LARGE1: variants seen among roughly 807,000 people sequenced by gnomAD.
The protein encoded by LARGE1 is LARGE xylosyl- and glucuronyltransferase 1.
A neutral mutation model predicts 87.6 loss-of-function variants in LARGE1; 43 were observed. The observed-to-expected ratio is 0.49, with a 90% CI of 0.38 to 0.63. The LOEUF is 0.63. Among genes scored for constraint, LARGE1 ranks in the 30% least tolerant of loss-of-function variants. LARGE1 has a pLI of 0.00. For missense variants in LARGE1, 802 were observed against 1,000.2 expected (o/e 0.80, Z 2.67); for synonymous variants, 434 against 394.6 (o/e 1.10, Z -1.18).
the LARGE1 span, among the ~76,000 whole-genome samples, chr22:33,102,090 C>T: frequency 6.6e-6 from 1 of 152,096 alleles, no homozygotes; most frequent in Admixed American, 6.6e-5. Context: ...ATGCCCATCC[C>T]CTTGCCCATA....
downstream of LARGE1, among the ~76,000 whole-genome samples, chr22:33,268,114 C>T (rs1294294990): frequency 2.0e-5 from 3 of 151,246 alleles, no homozygotes; most frequent in South Asian, 2.1e-4. Context: ...CCACTGTGCC[C>T]GGCTATTTTT....
intron 11 of LARGE1, among the ~76,000 whole-genome samples, chr22:33,223,334 G>A (rs1925552383): frequency 2.0e-5 from 3 of 152,214 alleles, no homozygotes. Flanking sequence ...GATACCTCAC[G>A]TGGTGCCTGC....
chr22:33,695,472 A>G lies in LARGE1; in HGVS notation c.107-44804T>C, dbSNP rs371702443. ...GATTTTATTTTCAGATTTTTCCCTAATATTTTATTATGAAAAATTCCAAAT... is the reference window on the plus strand; with the variant it reads ...GATTTTATTTTCAGATTTTTCCCTAGTATTTTATTATGAAAAATTCCAAAT... On this transcript the variant is annotated intron_variant, in intron 2 of 14. Coordinates refer to ENST00000397394, the MANE Select transcript of LARGE1 (RefSeq NM_133642.5). 3.9e-5 allele frequency among the ~76,000 whole-genome samples: 6 copies of G among 152,258 alleles called. No homozygotes were observed. The East Asian group carries it at 5.8e-4, about 15-fold the overall frequency.
At chr22:33,508,341 G>A (rs1171813557) in intron 6 of LARGE1, among the ~76,000 whole-genome samples, 3 of 152,192 alleles carry the variant, frequency 2.0e-5, no homozygotes, top group Non-Finnish European at 4.4e-5. Flanking sequence ...AGGAGCACAT[G>A]GATCAAAGGC....
rs540465124 is a variant in LARGE1, at chr22:33,688,296, C to A, written c.107-37628G>T. On this transcript the variant is annotated intron_variant, in intron 2 of 14. Transcript: ENST00000397394. ...CATAGGAAGCAGTAGGTTAAGTGTT[C>A]ATCATTACTTTAAGCTCAGAGTGTC... is the stretch of plus-strand genomic sequence containing the variant. Among the ~76,000 whole-genome samples the A allele has an allele frequency of 7.2e-5, 11 of 152,294 alleles. No homozygotes were observed. The East Asian group carries it at 1.9e-3, about 27-fold the overall frequency.
chr22:33,888,261 C>T (rs114704811), intron 1 of LARGE1, among the ~76,000 whole-genome samples: 1,501 of 149,706 alleles, frequency 0.01, 26 homozygotes, highest in African/African-American at 0.035. Flanking sequence ...TTTTAAAAAA[C>T]GAAAAAAAAA....
the LARGE1 span, among the ~76,000 whole-genome samples, chr22:33,103,793 TC>T: frequency 6.6e-5 from 10 of 152,174 alleles, no homozygotes; most frequent in South Asian, 1.0e-3. Flanking sequence ...CTCCCATAAT[TC>T]CCAAGTGTTG....
At chr22:33,353,806 T>C (rs1012926538) in intron 9 of LARGE1, among the ~76,000 whole-genome samples, 6 of 152,222 alleles carry the variant, frequency 3.9e-5, no homozygotes, top group Admixed American at 1.3e-4. Context: ...AAAAGAATTA[T>C]GGAGTAAGGT....
chr22:33,531,020 A>T (rs1331421973), intron 6 of LARGE1, among the ~76,000 whole-genome samples: 1 of 152,174 alleles, frequency 6.6e-6, no homozygotes, highest in African/African-American at 2.4e-5. Context: ...ACACTAACAG[A>T]TGTGAGAGTC....
At chr22:33,728,512 C>G (rs551649622) in intron 2 of LARGE1, among the ~76,000 whole-genome samples, 1 of 137,350 alleles carries the variant, frequency 7.3e-6, no homozygotes, top group Non-Finnish European at 1.5e-5. Context: ...GCACTACAGC[C>G]TGGGCAACAA....
intron 7 of LARGE1, among the ~76,000 whole-genome samples, chr22:33,398,964 A>G (rs1479018149): frequency 6.6e-6 from 1 of 152,224 alleles, no homozygotes; most frequent in Non-Finnish European, 1.5e-5. Context: ...ACTGTGGAAG[A>G]GTAAACTTCT....
At chr22:33,396,361 A>G (rs62225270) in intron 7 of LARGE1, among the ~76,000 whole-genome samples, 1 of 152,200 alleles carries the variant, frequency 6.6e-6, no homozygotes, top group African/African-American at 2.4e-5. Flanking sequence ...ACTTTTGATC[A>G]TATAAATGAA....
chr22:33,138,195 G>C, the LARGE1 span, among the ~76,000 whole-genome samples: 1 of 152,190 alleles, frequency 6.6e-6, no homozygotes, highest in African/African-American at 2.4e-5. Flanking sequence ...TGACCTGGAC[G>C]TGAGACATGG....
intron 2 of LARGE1, among the ~76,000 whole-genome samples, chr22:33,759,753 C>T (rs1038851156): frequency 2.0e-5 from 3 of 152,142 alleles, no homozygotes; most frequent in South Asian, 4.1e-4. Context: ...ATAAAAAGGG[C>T]TTTTCCATGA....
At chr22:33,554,545 C>G (rs1425413974) in intron 6 of LARGE1, among the ~76,000 whole-genome samples, 1 of 152,168 alleles carries the variant, frequency 6.6e-6, no homozygotes, top group African/African-American at 2.4e-5. Context: ...GTGCTATTCA[C>G]TCTACGTCCC....
At chr22:33,634,912 G>C (rs2080224816) in intron 3 of LARGE1, among the ~76,000 whole-genome samples, 1 of 151,800 alleles carries the variant, frequency 6.6e-6, no homozygotes, top group African/African-American at 2.4e-5. Flanking sequence ...GTGGATCACA[G>C]GTCAGACCAG....
At position 33,501,804 on chromosome 22, in the gene LARGE1, T is replaced by C. The variant is rs78581765; in HGVS notation, c.787+63044A>G. Among the ~76,000 whole-genome samples the C allele has an allele frequency of 3.6e-3, 553 of 152,226 alleles. 4 individuals are homozygous for C. The highest frequency in any genetic ancestry group is 0.023 in the South Asian group (110 of 4,824). On this transcript the variant is annotated intron_variant, in intron 6 of 14. Transcript: ENST00000397394. ...ACGGCTTATAGTCTAGTGGGTGACA[T>C]GGACGTTAGCTACACAGTCATGCAA...
chr22:33,713,811 C>A (rs1285050809), intron 2 of LARGE1, among the ~76,000 whole-genome samples: 1 of 151,912 alleles, frequency 6.6e-6, no homozygotes, highest in Non-Finnish European at 1.5e-5. Context: ...TTAATATTAG[C>A]CAGCTATGGT....
At chr22:33,871,994 A>AAAG (rs1555886945) in intron 1 of LARGE1, among the ~76,000 whole-genome samples, 2 of 151,538 alleles carry the variant, frequency 1.3e-5, no homozygotes, top group African/African-American at 4.8e-5. Flanking sequence ...AAAAAAAAAA[A>AAAG]AAAAGAAAAG....
Sources: gnomAD v4.1 joint callset for allele counts (sites outside exome capture counted in the v4.1 genomes callset) on GRCh38, gnomAD v4.1.1 for gene constraint, MANE v1.5 for transcripts, NCBI Gene and HGNC (gene_info 2026-07-23, HGNC 2026-07-21) for gene names.